FAM135B: variants seen among roughly 807,000 people sequenced by gnomAD.
The protein encoded by FAM135B is family with sequence similarity 135 member B, also known as protein FAM135B.
In FAM135B, 43 loss-of-function variants were observed where a neutral mutation model predicts 127.7. That is an observed-to-expected ratio of 0.34 (90% CI 0.26 to 0.43). The LOEUF (loss-of-function observed/expected upper bound fraction) is 0.43, where lower values mean the gene tolerates loss of function less well. Ranked by LOEUF, FAM135B falls within the 20% of genes least tolerant of loss-of-function variation. FAM135B has a pLI of 1.00. For missense variants in FAM135B, 1,558 were observed against 1,725.6 expected, an observed-to-expected ratio of 0.90 and a Z score of 1.72; for synonymous variants, 670 against 665.1, an observed-to-expected ratio of 1.01 and a Z score of -0.11.
intron 7 of FAM135B, among the ~76,000 whole-genome samples, chr8:138,222,678 G>GTTTTTTTT (rs33913656): frequency 6.7e-5 from 7 of 104,050 alleles, no homozygotes; most frequent in Admixed American, 1.1e-4. Flanking sequence ...TGTTGGTGGT[G>GTTTTTTTT]TTTTTTTTTT....
At chr8:138,388,821 T>A in intron 1 of FAM135B, among the ~76,000 whole-genome samples, 1 of 152,170 alleles carries the variant, frequency 6.6e-6, no homozygotes, top group Non-Finnish European at 1.5e-5. Context: ...ATGGTTAATA[T>A]ATGTCAACAC....
intron 7 of FAM135B, among the ~76,000 whole-genome samples, chr8:138,210,148 T>C (rs1019903224): frequency 1.3e-5 from 2 of 152,232 alleles, no homozygotes; most frequent in African/African-American, 4.8e-5. Flanking sequence ...TCAGTGCCTC[T>C]GGACATTGTG....
At chr8:138,426,008 T>C (rs79413482) in intron 1 of FAM135B, among the ~76,000 whole-genome samples, 1,371 of 18,596 alleles carry the variant, frequency 0.074, 64 homozygotes, top group Admixed American at 0.12. Flanking sequence ...TATATATATA[T>C]ATATACACAC....
At chr8:138,314,724 T>TAAATAAATAAA (rs56300482) in intron 2 of FAM135B, among the ~76,000 whole-genome samples, 10 of 149,530 alleles carry the variant, frequency 6.7e-5, no homozygotes, top group East Asian at 2.0e-4. Context: ...AATAAATAAA[T>TAAATAAATAAA]TAGCTGGGTG....
intron 7 of FAM135B, among the ~76,000 whole-genome samples, chr8:138,215,084 A>G (rs1563778942): frequency 6.6e-6 from 1 of 152,198 alleles, no homozygotes; most frequent in Non-Finnish European, 1.5e-5. Context: ...GATTTTTCAA[A>G]AAGTTTTAGA....
At chr8:138,207,249 G>A (rs7462464) in intron 7 of FAM135B, among the ~76,000 whole-genome samples, 37,943 of 139,640 alleles carry the variant, frequency 0.27, 5,192 homozygotes, top group Admixed American at 0.4. Flanking sequence ...GACTTGTCTC[G>A]CTTTGTTGCC....
chr8:138,177,209 G>T, intron 11 of FAM135B, 138 bp downstream of exon 11: 1 of 776,384 alleles, frequency 1.3e-6, no homozygotes, highest in Non-Finnish European at 2.0e-6. Flanking sequence ...TTTGCCTGCA[G>T]AGGAAATGCA....
chr8:138,450,242 T>G (rs564956693), intron 1 of FAM135B, among the ~76,000 whole-genome samples: 2 of 152,374 alleles, frequency 1.3e-5, no homozygotes, highest in African/African-American at 4.8e-5. Flanking sequence ...TTTATCTACT[T>G]AACTACTGAA....
At chr8:138,470,377 A>T (rs2131645557) in intron 1 of FAM135B, among the ~76,000 whole-genome samples, 1 of 152,348 alleles carries the variant, frequency 6.6e-6, no homozygotes, top group African/African-American at 2.4e-5. Flanking sequence ...ACATTAAATA[A>T]TATCTTAAGT....
At chr8:138,259,728 A>T (rs1822394787) in intron 4 of FAM135B, among the ~76,000 whole-genome samples, 1 of 152,124 alleles carries the variant, frequency 6.6e-6, no homozygotes, top group South Asian at 2.1e-4. Context: ...TCTCTAAGTC[A>T]CTGTATCCTC....
intron 5 of FAM135B, 152 bp downstream of exon 5, chr8:138,256,537 C>T: frequency 3.1e-6 from 2 of 638,042 alleles, no homozygotes; most frequent in South Asian, 2.2e-5. Context: ...CTTTCTTAGC[C>T]CGCACCCCTG....
chr8:138,472,641 GAGGA>G, intron 1 of FAM135B, among the ~76,000 whole-genome samples: 1 of 152,198 alleles, frequency 6.6e-6, no homozygotes, highest in East Asian at 1.9e-4. Context: ...ATAAAGAGTA[GAGGA>G]AGGAGGTGTT....
At chr8:138,493,556 C>A (rs1413919749) in intron 1 of FAM135B, among the ~76,000 whole-genome samples, 4 of 152,118 alleles carry the variant, frequency 2.6e-5, no homozygotes, top group Non-Finnish European at 5.9e-5. Context: ...TGAAAGGTGG[C>A]TATCATTACA....
At chr8:138,333,856 G>T (rs1828358233) in intron 2 of FAM135B, among the ~76,000 whole-genome samples, 1 of 152,138 alleles carries the variant, frequency 6.6e-6, no homozygotes, top group South Asian at 2.1e-4. Context: ...AGGAATGAGT[G>T]CATGATCCAT....
At chr8:138,367,182 C>A (rs16908955) in intron 2 of FAM135B, among the ~76,000 whole-genome samples, 4 of 152,134 alleles carry the variant, frequency 2.6e-5, no homozygotes, top group Non-Finnish European at 5.9e-5. Context: ...TACTAATTTG[C>A]GCTGTTAATT....
chr8:138,399,607 T>C (rs1231161054), intron 1 of FAM135B, among the ~76,000 whole-genome samples: 1 of 152,156 alleles, frequency 6.6e-6, no homozygotes, highest in Non-Finnish European at 1.5e-5. Flanking sequence ...AAGAGTTCCC[T>C]TGGGAAAAAA....
chr8:138,182,776 C>T lies in FAM135B; in HGVS notation c.874-4086G>A, dbSNP rs143837932. On this transcript the variant is annotated intron_variant, in intron 9 of 19. Transcript: ENST00000395297. ...CCTGCTTTACATTCCATGAACAAAC[C>T]GCGCTCTCTCACTGGTCCTCAATTA... 7.2e-5 allele frequency among the ~76,000 whole-genome samples: 11 copies of T among 152,312 alleles called. No homozygotes were observed. The East Asian group carries it at 9.6e-4, about 13-fold the overall frequency.
chr8:138,146,856 T>A (rs1817697451), intron 14 of FAM135B, among the ~76,000 whole-genome samples: 1 of 152,212 alleles, frequency 6.6e-6, no homozygotes, highest in South Asian at 2.1e-4. Flanking sequence ...AGCTGGGTAT[T>A]TGGATATATA....
intron 1 of FAM135B, among the ~76,000 whole-genome samples, chr8:138,445,893 A>G (rs1836124370): frequency 6.6e-6 from 1 of 152,220 alleles, no homozygotes; most frequent in Non-Finnish European, 1.5e-5. Flanking sequence ...ATAATTGTAT[A>G]TCTAGAAAAC....
Sources: gnomAD v4.1 joint callset for allele counts (sites outside exome capture counted in the v4.1 genomes callset) on GRCh38, gnomAD v4.1.1 for gene constraint, MANE v1.5 for transcripts, NCBI Gene and HGNC (gene_info 2026-07-23, HGNC 2026-07-21) for gene names.